MYO1H: variants seen among roughly 807,000 people sequenced by gnomAD.
MYO1H encodes unconventional myosin-Ih.
A neutral mutation model predicts 149.3 loss-of-function variants in MYO1H; 118 were observed. That is an observed-to-expected ratio of 0.79 (90% CI 0.68 to 0.92). MYO1H has a LOEUF of 0.92. MYO1H is among the 40% of genes least tolerant of loss of function. The pLI, the probability that MYO1H is intolerant of heterozygous loss-of-function variation, is 0.00. For synonymous variants in MYO1H, 447 were observed against 465.2 expected (o/e 0.96, Z 0.50); for missense variants, 1,212 against 1,280.7 (o/e 0.95, Z 0.82).
rs971869796 is a variant in MYO1H, at chr12:109,443,036, G to C, written c.2689-478G>C. ...TATATATATATATATATATGTGTGT[G>C]TGTGTGTGTGTATATATGTGTACGT... On this transcript the variant is annotated intron_variant, in intron 27 of 31. Transcript: ENST00000310903. Among the ~76,000 whole-genome samples, 2 of 36,072 alleles carry C rather than the reference G, an allele frequency of 5.5e-5. 1 individual carries two copies. The highest frequency in any genetic ancestry group is 1.0e-4 in the Non-Finnish European group (2 of 19,228). 23.7% of individuals were successfully genotyped at this position (36,072 alleles called of 152,430 possible). A position where few individuals can be genotyped will look rare whatever the true frequency, so the allele number is the denominator to read the frequency against.
At chr12:109,407,697 CATT>C in intron 9 of MYO1H, 94 bp from the exon 10 acceptor site, 1 of 1,330,344 alleles carries the variant, frequency 7.5e-7, no homozygotes, top group Non-Finnish European at 1.0e-6. Flanking sequence ...GACCCTGTCT[CATT>C]ATTTTATTTT....
chr12:109,312,610 TA>T, the MYO1H span, among the ~76,000 whole-genome samples: 6 of 152,132 alleles, frequency 3.9e-5, no homozygotes, highest in Non-Finnish European at 7.4e-5. Flanking sequence ...TTGCTTTGCT[TA>T]TTGGTCTAGT....
At chr12:109,385,003 CA>C (rs1389703218) in intron 1 of MYO1H, among the ~76,000 whole-genome samples, 1 of 152,184 alleles carries the variant, frequency 6.6e-6, no homozygotes, top group Admixed American at 6.5e-5. Flanking sequence ...CTAATGATGA[CA>C]AAAGCAAGCA....
intron 21 of MYO1H, among the ~76,000 whole-genome samples, chr12:109,435,932 C>G (rs1434532905): frequency 1.3e-5 from 2 of 152,196 alleles, no homozygotes; most frequent in Non-Finnish European, 2.9e-5. Context: ...GAGCCAGCAT[C>G]TCTAACCAGC....
At position 109,376,287 on chromosome 12, in the gene MYO1H, C is replaced by CT. The variant is rs1465518891; in HGVS notation, c.13-12393dup. Among the ~76,000 whole-genome samples the CT allele has an allele frequency of 2.0e-5, 3 of 152,308 alleles. No individual in the cohort carries two copies. The East Asian group carries it at 5.8e-4, about 29-fold the overall frequency. On this transcript the variant is annotated intron_variant, in intron 1 of 31. Coordinates refer to ENST00000310903, the Ensembl canonical transcript of MYO1H. ...CTAGCACTTGGTAACTACTGATCCA[C>CT]TTTCCATGTCTATATATTTCACTGT... is the stretch of plus-strand genomic sequence containing the variant.
chr12:109,415,856 G>T (rs1278873936), intron 15 of MYO1H, among the ~76,000 whole-genome samples: 2 of 152,008 alleles, frequency 1.3e-5, no homozygotes, highest in Admixed American at 6.6e-5. Flanking sequence ...GTACAATTCA[G>T]CAGTTTTTAG....
intron 1 of MYO1H, among the ~76,000 whole-genome samples, chr12:109,372,693 G>A (rs1225967027): frequency 6.6e-6 from 1 of 151,826 alleles, no homozygotes; most frequent in Non-Finnish European, 1.5e-5. Flanking sequence ...ATCTGCTAAG[G>A]CTGGTACCTT....
chr12:109,373,953 C>T (rs1336923287), intron 1 of MYO1H, among the ~76,000 whole-genome samples: 1 of 152,172 alleles, frequency 6.6e-6, no homozygotes, highest in African/African-American at 2.4e-5. Context: ...CACCACTGCA[C>T]TCCAGCCTGG....
At chr12:109,439,395 A>G (rs1252582987) in intron 23 of MYO1H, 1 of 410,784 alleles carries the variant, frequency 2.4e-6, no homozygotes, top group East Asian at 4.1e-5. Flanking sequence ...TCTGGCTTTT[A>G]TGCCCTGCTT....
chr12:109,437,183 C>T (rs1055087626), intron 22 of MYO1H, among the ~76,000 whole-genome samples: 20 of 152,028 alleles, frequency 1.3e-4, no homozygotes, highest in African/African-American at 3.9e-4. Flanking sequence ...TTTTGTCCCT[C>T]CCCAGTCATG....
intron 4 of MYO1H, 97 bp from the exon 5 acceptor site, chr12:109,397,635 C>G: frequency 1.1e-6 from 1 of 911,658 alleles, no homozygotes; most frequent in Non-Finnish European, 1.6e-6. Context: ...CTTCCGCTCT[C>G]TCTCCTCCAT....
Position 109,396,401 on chromosome 12 carries a change from A to G in MYO1H, c.308A>G (p.Asn103Ser), listed in dbSNP as rs1486776884. 3.7e-6 allele frequency: 6 copies of G among 1,611,016 alleles called. No homozygotes were observed. In the Admixed American group the frequency reaches 6.7e-5, roughly 18 times the overall value. ...TCCTCCAGCTACGCTATAGCCGACA[A>G]CGCTTACCGAATGATGTGTGCTGAA... Residue 103 changes from asparagine to serine, a missense_variant, in exon 4 of 32, where the codon AAC (asparagine) becomes AGC (serine). By Grantham distance (46) the Asn-to-Ser change is conservative. Transcript: ENST00000310903.
At chr12:109,440,056 A>G (rs1316552441) in intron 24 of MYO1H, among the ~76,000 whole-genome samples, 1 of 147,346 alleles carries the variant, frequency 6.8e-6, no homozygotes, top group Admixed American at 6.8e-5. Flanking sequence ...TTTTTTTGAG[A>G]TGGAGTCTTG....
chr12:109,367,829 G>T (rs1031206145), intron 1 of MYO1H, among the ~76,000 whole-genome samples: 2 of 152,098 alleles, frequency 1.3e-5, no homozygotes, highest in Non-Finnish European at 2.9e-5. Flanking sequence ...TGGGATTACA[G>T]GCGTGAGCTA....
intron 1 of MYO1H, among the ~76,000 whole-genome samples, chr12:109,367,144 A>G (rs748242398): frequency 5.9e-5 from 9 of 152,206 alleles, no homozygotes; most frequent in Non-Finnish European, 1.2e-4. Context: ...TTCATCAGAT[A>G]TTTCTCTGCA....
At chr12:109,360,306 G>A (rs932785724) in intron 1 of MYO1H, among the ~76,000 whole-genome samples, 1 of 151,928 alleles carries the variant, frequency 6.6e-6, no homozygotes, top group African/African-American at 2.4e-5. Context: ...AGCTCTAATC[G>A]GTTTATGACA....
chr12:109,412,159 A>C (rs1444811353), intron 14 of MYO1H, among the ~76,000 whole-genome samples, 174 bp downstream of exon 14: 5 of 152,014 alleles, frequency 3.3e-5, no homozygotes, highest in Non-Finnish European at 7.4e-5. Context: ...AACCTAAATG[A>C]ATTATAATTT....
chr12:109,332,439 C>T, the MYO1H span, among the ~76,000 whole-genome samples: 2 of 152,174 alleles, frequency 1.3e-5, no homozygotes, highest in African/African-American at 4.8e-5. Context: ...TTCCTAGGGG[C>T]AGACATCCTC....
intron 19 of MYO1H, among the ~76,000 whole-genome samples, chr12:109,427,909 A>AAAAATAT (rs1555254298): frequency 1.2e-4 from 2 of 16,420 alleles, no homozygotes; most frequent in African/African-American, 6.2e-4. Context: ...AAAAAAAAAA[A>AAAAATAT]ATATATATAT....
Sources: gnomAD v4.1 joint callset for allele counts (sites outside exome capture counted in the v4.1 genomes callset) on GRCh38, gnomAD v4.1.1 for gene constraint, MANE v1.5 for transcripts, NCBI Gene and HGNC (gene_info 2026-07-23, HGNC 2026-07-21) for gene names.